The following DUS2 variants were observed in gnomAD, a reference collection of about 807,000 sequenced individuals.
DUS2 encodes dihydrouridine synthase 2.
In DUS2, 52 loss-of-function variants were observed where a neutral mutation model predicts 71.3. The ratio of observed to expected loss-of-function variants is 0.73; its 90% CI spans 0.58 to 0.92. DUS2 has a LOEUF of 0.92. Ranked by LOEUF, DUS2 falls within the 40% of genes least tolerant of loss-of-function variation. DUS2 has a pLI of 0.00. For synonymous variants in DUS2, 204 were observed against 227.8 expected (o/e 0.90, Z 0.94); for missense variants, 558 against 622.6 (o/e 0.90, Z 1.10).
At chr16:68,030,192 A>G (rs2033416998) in intron 2 of DUS2, among the ~76,000 whole-genome samples, 1 of 152,174 alleles carries the variant, frequency 6.6e-6, no homozygotes, top group Non-Finnish European at 1.5e-5. Flanking sequence ...AAAGTTGCAG[A>G]TACCAGGATG....
At chr16:68,033,301 T>C (rs569128399) in intron 2 of DUS2, among the ~76,000 whole-genome samples, 24 of 152,230 alleles carry the variant, frequency 1.6e-4, no homozygotes, top group African/African-American at 4.6e-4. Context: ...GTTATTTCAA[T>C]AGAAGTCAGT....
At chr16:68,067,574 G>A (rs1250566449) in intron 10 of DUS2, among the ~76,000 whole-genome samples, 4 of 150,356 alleles carry the variant, frequency 2.7e-5, no homozygotes, top group Non-Finnish European at 5.9e-5. Flanking sequence ...GAGCCACCAG[G>A]CCCAGCCTCA....
intron 6 of DUS2, among the ~76,000 whole-genome samples, chr16:68,055,810 G>A (rs1449750009): frequency 1.4e-5 from 2 of 140,456 alleles, no homozygotes; most frequent in Non-Finnish European, 3.1e-5. Flanking sequence ...TGGTGCAAAA[G>A]TAATTGCGGT....
At position 68,056,424 on chromosome 16, in the gene DUS2, G is replaced by T; in HGVS notation, c.369G>T (p.Lys123Asn). Residue 123 changes from lysine (K) to asparagine (N), a missense_variant and splice_region_variant, in exon 7 of 17, where the codon AAG becomes AAT. Transcript: ENST00000565263. ...NMGCPKQYST[K>N]GGMGAALLSD... ...GCTGTCCAAAACAATATTCCACCAA[G>T]GTAAACTGGTTTCTTTATACTCCTC... 6.2e-7 allele frequency: 1 copy of T among 1,612,346 alleles called. No homozygotes were observed.
intron 2 of DUS2, among the ~76,000 whole-genome samples, chr16:68,035,521 C>T (rs1256332488): frequency 6.6e-6 from 1 of 151,584 alleles, no homozygotes; most frequent in Non-Finnish European, 1.5e-5. Context: ...TTACTCTGAC[C>T]ATAGGCATAT....
intron 12 of DUS2, among the ~76,000 whole-genome samples, chr16:68,072,172 G>A (rs903061398): frequency 2.0e-5 from 3 of 152,222 alleles, no homozygotes; most frequent in African/African-American, 7.2e-5. Flanking sequence ...TTCCATGGCT[G>A]TGCAAGCTAG....
In DUS2 at chr16:68,079,228, G is replaced by A. The variant is rs1040613276; in HGVS notation, c.*242G>A. On this transcript the variant is annotated 3_prime_UTR_variant, in exon 17 of 17. Transcript: ENST00000565263. ...TTTGAAAACAGGAGCTTTTCAGGTG[G>A]TAACTCCCCAACCTGACATTGGTAC... 7 of 415,186 alleles carry A rather than the reference G, an allele frequency of 1.7e-5. No individual in the cohort carries two copies. Among genetic ancestry groups the A allele is most frequent in the African/African-American group, 1.0e-4 (5 of 49,416 alleles). The allele number at this position is 415,186 out of a possible 1,614,324, so 25.7% of individuals were successfully genotyped here.
At chr16:68,052,834 G>A (rs886326810) in intron 4 of DUS2, among the ~76,000 whole-genome samples, 1 of 151,424 alleles carries the variant, frequency 6.6e-6, no homozygotes, top group Non-Finnish European at 1.5e-5. Flanking sequence ...GTAGAGATGC[G>A]GTTTTGCCAT....
chr16:68,065,490 A>T (rs181728518), intron 8 of DUS2, among the ~76,000 whole-genome samples: 1 of 151,826 alleles, frequency 6.6e-6, no homozygotes, highest in African/African-American at 2.4e-5. Flanking sequence ...GGAGTTCGAG[A>T]CCAGCCTGGC....
chr16:68,072,790 A>G (rs2034106300), intron 12 of DUS2, among the ~76,000 whole-genome samples: 1 of 152,212 alleles, frequency 6.6e-6, no homozygotes, highest in Non-Finnish European at 1.5e-5. Flanking sequence ...TAGCCAGCCG[A>G]CTTCCACTGG....
chr16:68,075,152 G>A (rs923286535), intron 13 of DUS2, among the ~76,000 whole-genome samples: 7 of 152,168 alleles, frequency 4.6e-5, no homozygotes, highest in African/African-American at 1.4e-4. Context: ...CAGTGTCCAC[G>A]CTTGGGTTCA....
intron 2 of DUS2, among the ~76,000 whole-genome samples, chr16:68,032,269 C>G (rs993463298): frequency 1.3e-5 from 2 of 152,172 alleles, no homozygotes; most frequent in African/African-American, 4.8e-5. Flanking sequence ...TTGGCTACCA[C>G]AGTGGTAAGT....
intron 1 of DUS2, chr16:68,023,711 A>AC (rs1295535980): frequency 6.0e-6 from 1 of 167,960 alleles, no homozygotes; most frequent in African/African-American, 2.4e-5. Context: ...TCAACCCCTC[A>AC]CCCTCTCTGT....
intron 7 of DUS2, among the ~76,000 whole-genome samples, chr16:68,057,180 A>G (rs2033871366): frequency 7.0e-6 from 1 of 143,038 alleles, no homozygotes; most frequent in Admixed American, 7.4e-5. Context: ...AAATAAATAT[A>G]TAATAAATAT....
In DUS2 at chr16:68,053,591, C is replaced by T; in HGVS notation, c.200C>T (p.Ala67Val). 1 of 1,614,208 alleles carries T rather than the reference C, an allele frequency of 6.2e-7. No individual in the cohort carries two copies. The highest frequency in any genetic ancestry group is 8.5e-7 in the Non-Finnish European group (1 of 1,180,032). The change falls in exon 5 of 17, where the codon GCC becomes GTC. Residue 67 changes from alanine (A) to valine (V), a missense_variant. Ala to Val is a moderately conservative substitution (Grantham distance 64, BLOSUM62 0). Coordinates refer to ENST00000565263, the MANE Select transcript of DUS2 (RefSeq NM_017803.5). Reference protein sequence around the residue: ...NEVLSTVDFVAPDDRVVFRTC... With the variant: ...NEVLSTVDFVVPDDRVVFRTC... ...GTGCTCAGCACAGTGGACTTTGTCG[C>T]CCCTGATGATCGAGTTGTCTTCCGC... is the stretch of plus-strand genomic sequence containing the variant.
chr16:68,035,687 T>G (rs946841071), intron 2 of DUS2, among the ~76,000 whole-genome samples: 11 of 147,644 alleles, frequency 7.5e-5, no homozygotes, highest in Admixed American at 2.0e-4. Flanking sequence ...CCGTGCCTGG[T>G]CTCTCTTCTT....
intron 3 of DUS2, among the ~76,000 whole-genome samples, chr16:68,040,101 T>A (rs80083924): frequency 6.6e-6 from 1 of 151,448 alleles, no homozygotes; most frequent in Non-Finnish European, 1.5e-5. Context: ...TTTTTTTTTT[T>A]AAGACAGTGT....
At chr16:68,052,208 T>C (rs1380318207) in intron 4 of DUS2, among the ~76,000 whole-genome samples, 2 of 152,082 alleles carry the variant, frequency 1.3e-5, no homozygotes, top group Non-Finnish European at 2.9e-5. Context: ...ACCCAGCCAC[T>C]TGGGACCATT....
chr16:68,064,411 C>T (rs1348956357), intron 8 of DUS2, among the ~76,000 whole-genome samples: 6 of 152,132 alleles, frequency 3.9e-5, no homozygotes, highest in Non-Finnish European at 7.4e-5. Flanking sequence ...ACACATGAAA[C>T]ACACAGAAAT....
Sources: gnomAD v4.1 joint callset for allele counts (sites outside exome capture counted in the v4.1 genomes callset) on GRCh38, gnomAD v4.1.1 for gene constraint, MANE v1.5 for transcripts, NCBI Gene and HGNC (gene_info 2026-07-23, HGNC 2026-07-21) for gene names.